Variants in NRXN1 observed in about 807,000 individuals in gnomAD.
NRXN1 encodes neurexin 1.
NRXN1 carries 39 observed loss-of-function variants against 150.9 expected under a neutral mutation model. The ratio of observed to expected loss-of-function variants is 0.26; its 90% CI spans 0.20 to 0.34. The LOEUF (loss-of-function observed/expected upper bound fraction) is 0.34. Ranked by LOEUF, NRXN1 falls within the 10% of genes least tolerant of loss-of-function variation. NRXN1 has a pLI of 1.00. For synonymous variants in NRXN1, 924 were observed against 757.0 expected (o/e 1.22, Z -3.62); for missense variants, 1,815 against 1,949.9 (o/e 0.93, Z 1.30).
intron 21 of NRXN1, among the ~76,000 whole-genome samples, chr2:49,979,947 T>A (rs972105643): frequency 7.2e-5 from 11 of 151,898 alleles, no homozygotes; most frequent in Admixed American, 5.3e-4. Flanking sequence ...GTTTTGTTTT[T>A]CTTACTCTGG....
chr2:49,966,070 A>C (rs1314481336), intron 21 of NRXN1, among the ~76,000 whole-genome samples: 1 of 152,230 alleles, frequency 6.6e-6, no homozygotes, highest in African/African-American at 2.4e-5. Flanking sequence ...CACTTACAGT[A>C]AATAATTTTT....
intron 22 of NRXN1, among the ~76,000 whole-genome samples, chr2:49,930,927 C>G (rs1670015824): frequency 6.6e-6 from 1 of 152,160 alleles, no homozygotes; most frequent in African/African-American, 2.4e-5. Flanking sequence ...GCCAGGTGTT[C>G]AAGACCAGCC....
chr2:50,965,077 A>G (rs1301594918), intron 2 of NRXN1, among the ~76,000 whole-genome samples: 2 of 151,470 alleles, frequency 1.3e-5, no homozygotes, highest in Non-Finnish European at 3.0e-5. Flanking sequence ...AGGAGAAAGA[A>G]GAAATATGAG....
In NRXN1 at chr2:50,347,363, A is replaced by G. The variant is rs200699295; in HGVS notation, c.3365-110393T>C. ...CCTCCTGGAAGGTCCTCACTTCTAC[A>G]TGACAGACATCCACCGCGAATCCAC... On this transcript the variant is annotated intron_variant, in intron 17 of 22. Coordinates refer to ENST00000401669, the MANE Select transcript of NRXN1 (RefSeq NM_001330078.2). The surrounding 1 kb of genome is among the most constrained non-coding windows in gnomAD (Gnocchi z 4.9). 6 of 1,204,222 alleles carry G rather than the reference A, an allele frequency of 5.0e-6. No homozygotes were observed. Among genetic ancestry groups the G allele is most frequent in the Non-Finnish European group, 6.3e-6 (6 of 948,752 alleles). The allele number at this position is 1,204,222 out of a possible 1,614,324, so 74.6% of individuals were successfully genotyped here. A position where few individuals can be genotyped will look rare whatever the true frequency, so the allele number is the denominator to read the frequency against.
At chr2:50,844,738 A>G (rs1008656311) in intron 5 of NRXN1, among the ~76,000 whole-genome samples, 1 of 152,174 alleles carries the variant, frequency 6.6e-6, no homozygotes, top group Non-Finnish European at 1.5e-5. Flanking sequence ...TTCCTCACGT[A>G]AGGAAAGTGG....
intron 2 of NRXN1, among the ~76,000 whole-genome samples, chr2:50,989,010 T>G (rs563608807): frequency 6.6e-6 from 1 of 152,044 alleles, no homozygotes; most frequent in Non-Finnish European, 1.5e-5. Flanking sequence ...TATTTTCCCC[T>G]ATTTTTCTTT....
chr2:50,711,189 T>C (rs556217373), intron 5 of NRXN1, among the ~76,000 whole-genome samples: 1 of 152,156 alleles, frequency 6.6e-6, no homozygotes, highest in Non-Finnish European at 1.5e-5. Context: ...CTGTCAGTTT[T>C]GGTAAGTTTA....
chr2:50,676,426 T>C (rs1689552105), intron 5 of NRXN1, among the ~76,000 whole-genome samples: 1 of 152,108 alleles, frequency 6.6e-6, no homozygotes, highest in African/African-American at 2.4e-5. Context: ...GTTAAGAGGA[T>C]AGGTTTTAGC....
At chr2:49,969,022 A>T (rs1308127842) in intron 21 of NRXN1, among the ~76,000 whole-genome samples, 1 of 152,100 alleles carries the variant, frequency 6.6e-6, no homozygotes, top group Non-Finnish European at 1.5e-5. Context: ...CTTAGTAATT[A>T]CTTATATATT....
At chr2:50,788,783 A>G (rs1394295024) in intron 5 of NRXN1, among the ~76,000 whole-genome samples, 1 of 151,740 alleles carries the variant, frequency 6.6e-6, no homozygotes, top group Non-Finnish European at 1.5e-5. Flanking sequence ...TGAATAAAGC[A>G]TATCCCTACC....
intron 15 of NRXN1, among the ~76,000 whole-genome samples, chr2:50,494,018 G>C (rs545017274): frequency 1.3e-5 from 2 of 152,158 alleles, no homozygotes; most frequent in Middle Eastern, 3.4e-3. Context: ...GAAGTACTTA[G>C]GTGTGTAAGT....
At chr2:50,393,416 A>G (rs1174169177) in intron 17 of NRXN1, among the ~76,000 whole-genome samples, 1 of 152,030 alleles carries the variant, frequency 6.6e-6, no homozygotes, top group East Asian at 1.9e-4. Flanking sequence ...TCAATGAAAT[A>G]TTTCAGGGAG....
intron 5 of NRXN1, among the ~76,000 whole-genome samples, chr2:50,815,724 A>C (rs1190026305): frequency 1.3e-5 from 2 of 152,176 alleles, no homozygotes; most frequent in African/African-American, 4.8e-5. Context: ...AATATCCATG[A>C]AACATATCCT....
At chr2:50,688,559 G>C (rs559363918) in intron 5 of NRXN1, among the ~76,000 whole-genome samples, 1 of 152,290 alleles carries the variant, frequency 6.6e-6, no homozygotes, top group Admixed American at 6.5e-5. Context: ...TGTAGCCACA[G>C]AATCCAGTTA....
intron 12 of NRXN1, among the ~76,000 whole-genome samples, chr2:50,516,349 C>G (rs544977640): frequency 2.4e-4 from 36 of 152,232 alleles, no homozygotes; most frequent in African/African-American, 7.9e-4. Flanking sequence ...GCTGTTGAAG[C>G]CAGTTCTTTT....
At chr2:50,438,350 C>G (rs893951171) in intron 17 of NRXN1, among the ~76,000 whole-genome samples, 1 of 152,188 alleles carries the variant, frequency 6.6e-6, no homozygotes, top group Non-Finnish European at 1.5e-5. Flanking sequence ...TCACTGTAGA[C>G]AGCCAAAGCA....
At chr2:50,035,634 C>G (rs778409910) in intron 21 of NRXN1, among the ~76,000 whole-genome samples, 1 of 151,954 alleles carries the variant, frequency 6.6e-6, no homozygotes, top group Non-Finnish European at 1.5e-5. Flanking sequence ...AAAACATATA[C>G]TTGGAGAAAA....
intron 17 of NRXN1, among the ~76,000 whole-genome samples, chr2:50,241,257 C>G (rs1370724764): frequency 6.6e-6 from 1 of 151,062 alleles, no homozygotes; most frequent in Admixed American, 6.6e-5. Context: ...AAAGACCAAA[C>G]TTACCAAAAA....
At chr2:50,833,603 T>C (rs1473110542) in intron 5 of NRXN1, among the ~76,000 whole-genome samples, 3 of 152,058 alleles carry the variant, frequency 2.0e-5, no homozygotes, top group Non-Finnish European at 2.9e-5. Flanking sequence ...GACAAAACTA[T>C]AGTTACAGAG....
Sources: gnomAD v4.1 joint callset for allele counts (sites outside exome capture counted in the v4.1 genomes callset) on GRCh38, gnomAD v4.1.1 for gene constraint, Gnocchi (gnomAD v3.1) non-coding constraint, MANE v1.5 for transcripts, NCBI Gene and HGNC (gene_info 2026-07-23, HGNC 2026-07-21) for gene names.